The following CBLC variants were observed in gnomAD, a reference collection of about 807,000 sequenced individuals.
CBLC encodes Cbl proto-oncogene C.
CBLC carries 46 observed loss-of-function variants against 58.6 expected under a neutral mutation model. The ratio of observed to expected loss-of-function variants is 0.79; its 90% CI spans 0.62 to 1.00. The LOEUF is 1.00. Ranked by LOEUF, CBLC falls within the 50% of genes least tolerant of loss-of-function variation. The pLI is 0.00. For missense variants in CBLC, 655 were observed against 625.8 expected (o/e 1.05, Z -0.50); for synonymous variants, 271 against 264.2 (o/e 1.03, Z -0.25).
intron 1 of CBLC, among the ~76,000 whole-genome samples, chr19:44,778,959 A>G (rs946277430): frequency 6.1e-4 from 92 of 151,918 alleles, no homozygotes; most frequent in African/African-American, 2.1e-3. Flanking sequence ...AAAATGGGCC[A>G]CCCAGTTTTC....
Position 44,780,919 on chromosome 19 carries a change from A to G in CBLC, c.368A>G (p.Lys123Arg), listed in dbSNP as rs774630684. ...AGSRLRRQLA[K>R]LAIIFSHMHA... ...CATCCCCACAGGCGACAGCTGGCCA[A>G]GCTGGCCATCATCTTCAGCCACATG... Residue 123 changes from lysine to arginine, a missense_variant, in exon 2 of 11, where the codon AAG (lysine) becomes AGG (arginine). Coordinates refer to ENST00000647358, the MANE Select transcript of CBLC (RefSeq NM_012116.4). 182 of 1,612,614 alleles carry G rather than the reference A, an allele frequency of 1.1e-4. 2 individuals carry two copies. In the Admixed American group the frequency reaches 2.9e-3, roughly 26 times the overall value.
Position 44,800,386 on chromosome 19 carries a change from C to T in CBLC, c.1368C>T (p.Leu456=), listed in dbSNP as rs765864698. 1 of 1,611,488 alleles carries T rather than the reference C, an allele frequency of 6.2e-7. No homozygotes were observed. The highest frequency in any genetic ancestry group is 2.2e-5 in the East Asian group (1 of 44,868). The change falls in exon 10 of 11, where the codon CTC becomes CTT. Residue 456 remains leucine (L), a synonymous_variant. Transcript: ENST00000647358. ...TCAAAATATCTCCATTGCAGAGACT[C>T]CTAAAGGGGAACTCCCCTCCAGCTG... ...KPRNAQPKVR[L]LKGNSPPAAL... is the part of the protein sequence containing the mutation.
intron 9 of CBLC, among the ~76,000 whole-genome samples, chr19:44,799,803 A>G (rs1020202928): frequency 1.3e-5 from 2 of 151,704 alleles, no homozygotes; most frequent in East Asian, 1.9e-4. Context: ...AGAAAGAAGG[A>G]AGGAAGGAGA....
chr19:44,780,469 ATTTTTTTT>A (rs1196086433), intron 1 of CBLC, among the ~76,000 whole-genome samples: 1 of 112,428 alleles, frequency 8.9e-6, no homozygotes, highest in Non-Finnish European at 1.8e-5. Flanking sequence ...ATCGTTTTTA[ATTTTTTTT>A]TTTTTTTTTT....
chr19:44,791,938 G>A (rs1050065757), intron 6 of CBLC, among the ~76,000 whole-genome samples: 1 of 151,920 alleles, frequency 6.6e-6, no homozygotes, highest in Non-Finnish European at 1.5e-5. Context: ...AGAAGTGCTG[G>A]GATTACAGGC....
chr19:44,787,605 T>A (rs1408423029), intron 5 of CBLC, among the ~76,000 whole-genome samples: 2 of 150,708 alleles, frequency 1.3e-5, no homozygotes, highest in East Asian at 4.0e-4. Flanking sequence ...TCACCTGAAG[T>A]CAGGAGTTCA....
At chr19:44,798,159 TG>T (rs1273686019) in intron 9 of CBLC, among the ~76,000 whole-genome samples, 3 of 148,040 alleles carry the variant, frequency 2.0e-5, no homozygotes, top group Non-Finnish European at 1.5e-5. Flanking sequence ...ATGGGGAAAA[TG>T]GGGACCAGCC....
intron 7 of CBLC, 122 bp from the exon 8 acceptor site, chr19:44,793,352 C>T (rs1022212158): frequency 4.0e-5 from 43 of 1,082,210 alleles, no homozygotes; most frequent in Non-Finnish European, 4.5e-5. Context: ...TCTCTCCTTC[C>T]GTCTCCCTTC....
At chr19:44,781,183 CT>C in intron 2 of CBLC, 23 bp from the exon 3 acceptor site, 1 of 1,596,930 alleles carries the variant, frequency 6.3e-7, no homozygotes, top group South Asian at 1.1e-5. Context: ...TCAGCGGTGT[CT>C]CCCCCACCCC....
chr19:44,778,166 T>C lies in CBLC; in HGVS notation c.235T>C (p.Phe79Leu). The change falls in exon 1 of 11, where the codon TTT (phenylalanine) becomes CTT (leucine). Residue 79 changes from phenylalanine to leucine, a missense_variant. By Grantham distance (22) the Phe-to-Leu change is conservative. Coordinates refer to ENST00000647358, the MANE Select transcript of CBLC (RefSeq NM_012116.4). ...GPGGPGGSGD[F>L]LLIYLANLEA... ...CGGGGGTCCCGGCGGCTCTGGGGACTTTCTACTCATCTACCTGGCCAATCT... is the reference window on the plus strand; with the variant it reads ...CGGGGGTCCCGGCGGCTCTGGGGACCTTCTACTCATCTACCTGGCCAATCT... 1 of 1,558,956 alleles carries C rather than the reference T, an allele frequency of 6.4e-7. No homozygotes were observed. The highest frequency in any genetic ancestry group is 8.6e-7 in the Non-Finnish European group (1 of 1,156,708).
chr19:44,795,352 CA>C (rs1456973803), intron 9 of CBLC, among the ~76,000 whole-genome samples: 1 of 151,288 alleles, frequency 6.6e-6, no homozygotes, highest in Non-Finnish European at 1.5e-5. Flanking sequence ...CCCAACACTA[CA>C]AAAAAATTTT....
Position 44,778,003 on chromosome 19 carries a change from G to T in CBLC, c.72G>T (p.Met24Ile). ...EARALGRAVR[M>I]LQRLEEQCVD... is the part of the protein sequence containing the mutation. ...GCGCCCTGGGCCGGGCAGTCAGGAT[G>T]CTGCAGCGCCTAGAAGAGCAATGCG... Residue 24 changes from methionine to isoleucine, a missense_variant, in exon 1 of 11, where the codon ATG becomes ATT. Physicochemically the swap from Met to Ile is conservative, Grantham distance 10. Transcript: ENST00000647358. 1 of 1,608,926 alleles carries T rather than the reference G, an allele frequency of 6.2e-7. No individual in the cohort carries two copies.
intron 9 of CBLC, among the ~76,000 whole-genome samples, chr19:44,794,795 C>T (rs1313251746): frequency 6.6e-6 from 1 of 151,892 alleles, no homozygotes; most frequent in African/African-American, 2.4e-5. Flanking sequence ...TCCAGCATCC[C>T]AGATGTGTCC....
chr19:44,792,329 TC>T (rs1238440893), intron 6 of CBLC, 53 bp from the exon 7 acceptor site: 9 of 1,602,172 alleles, frequency 5.6e-6, no homozygotes, highest in African/African-American at 5.3e-5. Flanking sequence ...CCAAGTTGTG[TC>T]CCCGTGGCTG....
intron 6 of CBLC, among the ~76,000 whole-genome samples, chr19:44,790,546 C>A (rs549947153): frequency 1.3e-3 from 203 of 152,190 alleles, no homozygotes; most frequent in African/African-American, 4.8e-3. Flanking sequence ...GCAGGCCTCC[C>A]ACCTCAGCCT....
chr19:44,800,558 A>C lies in CBLC; in HGVS notation c.*15A>C, dbSNP rs984864837. 3.0e-6 allele frequency: 2 copies of C among 668,432 alleles called. No individual in the cohort carries two copies. Among genetic ancestry groups the C allele is most frequent in the African/African-American group, 3.6e-5 (2 of 55,276 alleles). The allele number at this position is 668,432 out of a possible 1,614,324, so 41.4% of individuals were successfully genotyped here. A position where few individuals can be genotyped will look rare whatever the true frequency, so the allele number is the denominator to read the frequency against. ...CCCTCTCTCCGCCTACAGGGCACCC[A>C]GATGTGCTGCTCAAGGGAGCCCCAA... On this transcript the variant is annotated 3_prime_UTR_variant, in exon 11 of 11. Transcript: ENST00000647358.
chr19:44,785,532 GTAGATAGATAGATAGA>G (rs56894232), intron 5 of CBLC, among the ~76,000 whole-genome samples: 2,008 of 149,012 alleles, frequency 0.013, 48 homozygotes, highest in African/African-American at 0.044. Flanking sequence ...AGTCAGATAG[GTAGATAGATAGATAGA>G]TAGATAGATA....
Position 44,800,553 on chromosome 19 carries a change from C to T in CBLC, c.*10C>T. The T allele has an allele frequency of 1.4e-6, 1 of 690,242 alleles. No individual in the cohort carries two copies. Among genetic ancestry groups the T allele is most frequent in the Non-Finnish European group, 2.5e-6 (1 of 400,424 alleles). The allele number at this position is 690,242 out of a possible 1,614,324, so 42.8% of individuals were successfully genotyped here. A position where few individuals can be genotyped will look rare whatever the true frequency, so the allele number is the denominator to read the frequency against. ...CCCACCCCTCTCTCCGCCTACAGGG[C>T]ACCCAGATGTGCTGCTCAAGGGAGC... On this transcript the variant is annotated splice_region_variant and 3_prime_UTR_variant, in exon 11 of 11. Transcript: ENST00000647358.
At chr19:44,794,021 C>T (rs1968124881) in intron 8 of CBLC, 183 bp from the exon 9 acceptor site, 1 of 637,176 alleles carries the variant, frequency 1.6e-6, no homozygotes, top group Non-Finnish European at 1.9e-6. Flanking sequence ...TTTGCTTCCC[C>T]AAGGGCTGGG....
Sources: gnomAD v4.1 joint callset for allele counts (sites outside exome capture counted in the v4.1 genomes callset) on GRCh38, gnomAD v4.1.1 for gene constraint, MANE v1.5 for transcripts, NCBI Gene and HGNC (gene_info 2026-07-23, HGNC 2026-07-21) for gene names.